ATP8A2: variants seen among roughly 807,000 people sequenced by gnomAD.
ATP8A2 encodes the protein phospholipid-transporting ATPase IB.
In ATP8A2, 100 loss-of-function variants were observed where a neutral mutation model predicts 165.6. That is an observed-to-expected ratio of 0.60 (90% confidence interval 0.51 to 0.71). ATP8A2 has a LOEUF of 0.71. Among genes scored for constraint, ATP8A2 ranks in the 30% least tolerant of loss-of-function variants. The probability of loss-of-function intolerance (pLI) is 0.00; values close to 1 mark genes in which losing one functional copy is unlikely to be tolerated. For synonymous variants in ATP8A2, 543 were observed against 548.8 expected, an observed-to-expected ratio of 0.99 and a Z score of 0.15; for missense variants, 1,227 against 1,479.5, an observed-to-expected ratio of 0.83 and a Z score of 2.80.
chr13:25,566,725 T>A (rs1039149225), intron 16 of ATP8A2, among the ~76,000 whole-genome samples: 11 of 152,244 alleles, frequency 7.2e-5, no homozygotes, highest in African/African-American at 7.2e-5. Flanking sequence ...CAGAGACTCA[T>A]TTATTTATTC....
intron 27 of ATP8A2, among the ~76,000 whole-genome samples, chr13:25,778,491 C>A (rs1193727909): frequency 2.6e-5 from 4 of 152,194 alleles, no homozygotes; most frequent in Non-Finnish European, 5.9e-5. Context: ...CCTCCATCCT[C>A]CCTGCAGCTG....
chr13:25,641,538 C>G (rs2041521788), intron 24 of ATP8A2, among the ~76,000 whole-genome samples: 1 of 151,972 alleles, frequency 6.6e-6, no homozygotes, highest in Admixed American at 6.6e-5. Context: ...CCTAGGAATC[C>G]AAGTTAAGGG....
intron 33 of ATP8A2, among the ~76,000 whole-genome samples, chr13:25,961,163 C>T (rs369193889): frequency 6.6e-6 from 1 of 152,162 alleles, no homozygotes. Flanking sequence ...GACATGGGTC[C>T]TGGCTCCATG....
chr13:25,737,258 C>G (rs2043792211), intron 25 of ATP8A2, among the ~76,000 whole-genome samples: 1 of 152,142 alleles, frequency 6.6e-6, no homozygotes, highest in Admixed American at 6.5e-5. Flanking sequence ...CAAGCCTGTG[C>G]CAAAACTCAC....
intron 23 of ATP8A2, among the ~76,000 whole-genome samples, chr13:25,584,862 T>C (rs1233342895): frequency 1.3e-5 from 2 of 152,242 alleles, no homozygotes; most frequent in African/African-American, 4.8e-5. Context: ...TGTTGACTCT[T>C]AGCTTTTAAT....
intron 1 of ATP8A2, among the ~76,000 whole-genome samples, chr13:25,452,087 T>C (rs1294136872): frequency 6.6e-6 from 1 of 152,004 alleles, no homozygotes; most frequent in East Asian, 1.9e-4. Context: ...TCTCCTGACC[T>C]TGTGATCCGC....
At chr13:25,506,959 A>ATATATG (rs965878307) in intron 2 of ATP8A2, among the ~76,000 whole-genome samples, 2 of 145,946 alleles carry the variant, frequency 1.4e-5, no homozygotes, top group African/African-American at 5.0e-5. Flanking sequence ...ATATATATAT[A>ATATATG]TATCTTATTT....
At chr13:25,836,645 C>A (rs1951617945) in intron 28 of ATP8A2, among the ~76,000 whole-genome samples, 1 of 152,206 alleles carries the variant, frequency 6.6e-6, no homozygotes, top group African/African-American at 2.4e-5. Flanking sequence ...GTCCTAATTC[C>A]TTTCCTTCTT....
At chr13:25,631,411 A>T (rs903516803) in intron 24 of ATP8A2, among the ~76,000 whole-genome samples, 1 of 152,184 alleles carries the variant, frequency 6.6e-6, no homozygotes, top group Non-Finnish European at 1.5e-5. Context: ...GTTCTTCCTG[A>T]TGATTTATAG....
At chr13:25,541,781 C>T (rs1593496859) in intron 8 of ATP8A2, 138 bp from the exon 9 acceptor site, 2 of 843,828 alleles carry the variant, frequency 2.4e-6, no homozygotes, top group East Asian at 5.1e-5. Context: ...GAGGGGCTGA[C>T]AGTTTGACTT....
At chr13:25,412,425 G>C (rs570347121) in intron 1 of ATP8A2, among the ~76,000 whole-genome samples, 1 of 152,130 alleles carries the variant, frequency 6.6e-6, no homozygotes, top group African/African-American at 2.4e-5. Flanking sequence ...CTGATGGAGG[G>C]CACGCATCTG....
intron 22 of ATP8A2, among the ~76,000 whole-genome samples, chr13:25,581,284 A>C (rs761021301): frequency 6.6e-6 from 1 of 152,196 alleles, no homozygotes; most frequent in Non-Finnish European, 1.5e-5. Flanking sequence ...CATCCTCAGC[A>C]TGAGCTGATC....
chr13:25,571,969 A>T (rs1273764089), intron 18 of ATP8A2, among the ~76,000 whole-genome samples: 1 of 152,196 alleles, frequency 6.6e-6, no homozygotes, highest in Admixed American at 6.5e-5. Context: ...TCTTTGTTCT[A>T]TAATAATTGG....
At chr13:25,798,055 T>G (rs1020620760) in intron 27 of ATP8A2, among the ~76,000 whole-genome samples, 20 of 152,340 alleles carry the variant, frequency 1.3e-4, no homozygotes, top group African/African-American at 4.6e-4. Context: ...TAATTTTTTT[T>G]CAAGAATTCC....
intron 13 of ATP8A2, among the ~76,000 whole-genome samples, chr13:25,557,550 C>G (rs901386561): frequency 1.1e-4 from 17 of 152,100 alleles, no homozygotes; most frequent in Admixed American, 3.9e-4. Flanking sequence ...TAACAGTCTT[C>G]CAAACATAAA....
chr13:25,804,896 G>A (rs964611088), intron 27 of ATP8A2, among the ~76,000 whole-genome samples: 1 of 152,134 alleles, frequency 6.6e-6, no homozygotes, highest in Non-Finnish European at 1.5e-5. Context: ...GGAGAAAAAT[G>A]AGGCGTTAAA....
intron 24 of ATP8A2, among the ~76,000 whole-genome samples, chr13:25,678,440 T>TTCCC (rs879732752): frequency 0.035 from 5,335 of 152,146 alleles, 153 homozygotes; most frequent in East Asian, 0.13. Context: ...GTTGATTGAA[T>TTCCC]TACCTAGACC....
intron 24 of ATP8A2, among the ~76,000 whole-genome samples, chr13:25,598,787 A>AT (rs528879306): frequency 2.9e-4 from 44 of 151,586 alleles, no homozygotes; most frequent in African/African-American, 3.4e-4. Flanking sequence ...ATGTCTAGTA[A>AT]TTTTTTTTAT....
At chr13:25,872,075 G>A (rs560829175) in intron 33 of ATP8A2, among the ~76,000 whole-genome samples, 2 of 112,940 alleles carry the variant, frequency 1.8e-5, no homozygotes, top group African/African-American at 7.2e-5. Context: ...TTCGGAATGC[G>A]CATTCAAATG....
Sources: allele counts gnomAD v4.1 joint callset (sites outside exome capture counted in the v4.1 genomes callset), GRCh38; gene constraint gnomAD v4.1.1; transcripts MANE v1.5; gene names NCBI Gene and HGNC (gene_info 2026-07-23, HGNC 2026-07-21).